UBA7: variants seen among roughly 807,000 people sequenced by gnomAD.
The protein encoded by UBA7 is ubiquitin-like modifier-activating enzyme 7.
Under a neutral mutation model 113.0 loss-of-function variants are expected in UBA7, and 88 were observed. The ratio of observed to expected loss-of-function variants is 0.78; its 90% CI spans 0.66 to 0.93. The LOEUF (loss-of-function observed/expected upper bound fraction) is 0.93. Ranked by LOEUF, UBA7 falls within the 40% of genes least tolerant of loss-of-function variation. The pLI is 0.00. For synonymous variants in UBA7, 459 were observed against 513.0 expected (o/e 0.89, Z 1.42); for missense variants, 1,092 against 1,266.4 (o/e 0.86, Z 2.09).
intron 23 of UBA7, 105 bp downstream of exon 23, chr3:49,805,792 G>T (rs2081438077): frequency 8.9e-7 from 1 of 1,121,136 alleles, no homozygotes; most frequent in Non-Finnish European, 1.3e-6. Context: ...GCTTGGGAAG[G>T]TGTGAGGGGC....
Position 49,808,881 on chromosome 3 carries a change from C to T in UBA7, c.2347+95G>A. 2.0e-6 allele frequency: 3 copies of T among 1,470,764 alleles called. No homozygotes were observed. In the South Asian group the frequency reaches 4.2e-5, roughly 20 times the overall value. The allele number at this position is 1,470,764 out of a possible 1,614,324, so 91.1% of individuals were successfully genotyped here. On this transcript the variant is annotated intron_variant, in intron 18 of 23. Transcript: ENST00000333486. ...GAGGTAGCAAATTGGCTGTAGATCC[C>T]CTAGGCCCTATCTTCCTTCTGCAGC...
intron 23 of UBA7, 92 bp from the exon 24 acceptor site, chr3:49,805,529 G>A (rs1206764789): frequency 1.7e-5 from 21 of 1,226,464 alleles, no homozygotes; most frequent in Non-Finnish European, 2.1e-5. Flanking sequence ...CTGGCAGGCC[G>A]TCAGGAGCCC....
chr3:49,805,980 C>A lies in UBA7; in HGVS notation c.2826G>T (p.Arg942Ser). 1 of 1,566,934 alleles carries A rather than the reference C, an allele frequency of 6.4e-7. No individual in the cohort carries two copies. The highest frequency in any genetic ancestry group is 1.2e-5 in the South Asian group (1 of 85,190). ...LAHLQEQHGLRVRILLHGSAL... is the reference protein window; with the variant it reads ...LAHLQEQHGLSVRILLHGSAL... ...CTGAGCCGTGCAGCAGGATCCTCAC[C>A]CTCAACCCGTGCTGCTCCTAGAGGA... The change falls in exon 23 of 24, where the codon AGG becomes AGT. Residue 942 changes from arginine to serine, a missense_variant. Arg to Ser is a moderately radical substitution (Grantham distance 110). This residue lies in a region of UBA7 where 500 missense variants were observed against 529.3 expected (regional missense o/e 0.94). Coordinates refer to ENST00000333486, the MANE Select transcript of UBA7 (RefSeq NM_003335.3).
Position 49,813,942 on chromosome 3 carries a change from C to A in UBA7, c.-155G>T. On this transcript the variant is annotated 5_prime_UTR_variant, in exon 1 of 24. Coordinates refer to ENST00000333486, the MANE Select transcript of UBA7 (RefSeq NM_003335.3). Reference sequence around the variant, plus strand: ...GGACGCTGCTGGTCACAGCTCTCTTCCTGGAGAAAAGAAAAGTGAAAGTTA... The same window carrying A: ...GGACGCTGCTGGTCACAGCTCTCTTACTGGAGAAAAGAAAAGTGAAAGTTA... The A allele has an allele frequency of 3.9e-6, 3 of 776,644 alleles. No homozygotes were observed. The highest frequency in any genetic ancestry group is 6.2e-6 in the Non-Finnish European group (3 of 482,196). The allele number at this position is 776,644 out of a possible 1,614,324, so 48.1% of individuals were successfully genotyped here.
Position 49,809,384 on chromosome 3 carries a change from A to C in UBA7, c.2163+6T>G, listed in dbSNP as rs1434238960. 1.2e-6 allele frequency: 2 copies of C among 1,613,676 alleles called. No individual in the cohort carries two copies. The highest frequency in any genetic ancestry group is 1.3e-5 in the African/African-American group (1 of 75,002). On this transcript the variant is annotated splice_donor_region_variant and intron_variant, in intron 17 of 23. Coordinates refer to ENST00000333486, the MANE Select transcript of UBA7 (RefSeq NM_003335.3). ...ATCTTGGAGCTCCCTACAGAATCCC[A>C]CTCACTTGGTTGGTGTCAAACTCCA...
chr3:49,810,962 C>G lies in UBA7; in HGVS notation c.1230+22G>C. ...TAGTCCTGATTTTGGACAAGGCTTGCACCCCTATCCCAGGCTCTCACCAGG... is the reference window on the plus strand; with the variant it reads ...TAGTCCTGATTTTGGACAAGGCTTGGACCCCTATCCCAGGCTCTCACCAGG... On this transcript the variant is annotated intron_variant, in intron 10 of 23. Transcript: ENST00000333486. This position sits in a 1 kb window ranked among gnomAD's most constrained non-coding sequence, Gnocchi z 5.6. 1 of 1,613,044 alleles carries G rather than the reference C, an allele frequency of 6.2e-7. No individual in the cohort carries two copies. The highest frequency in any genetic ancestry group is 1.3e-5 in the African/African-American group (1 of 75,028).
chr3:49,813,127 C>T lies in UBA7; in HGVS notation c.402G>A (p.Lys134=). The T allele has an allele frequency of 6.2e-7, 1 of 1,614,182 alleles. No homozygotes were observed. Among genetic ancestry groups the T allele is most frequent in the Non-Finnish European group, 8.5e-7 (1 of 1,180,016 alleles). ...CATGCTTATGACACAAGGTGCCCAC[C>T]TTCAGCTGCTCCTCCAGCTTTGCAG... ...LTAAKLEEQL[K]VGTLCHKHGV... is the part of the protein sequence containing the mutation. The change falls in exon 4 of 24, where the codon AAG becomes AAA. Residue 134 remains lysine (K), a synonymous_variant. Coordinates refer to ENST00000333486, the MANE Select transcript of UBA7 (RefSeq NM_003335.3).
At position 49,807,235 on chromosome 3, in the gene UBA7, C is replaced by T. The variant is rs1027868217; in HGVS notation, c.2715+501G>A. 9.9e-5 allele frequency among the ~76,000 whole-genome samples: 15 copies of T among 152,216 alleles called. No homozygotes were observed. Among genetic ancestry groups the T allele is most frequent in the Admixed American group, 9.2e-4 (14 of 15,286 alleles). ...ACTTGCTCCTTCCATACCCACACTC[C>T]GGGGATGCCCAGACCCCAGTTGCAC... On this transcript the variant is annotated intron_variant, in intron 21 of 23. Coordinates refer to ENST00000333486, the MANE Select transcript of UBA7 (RefSeq NM_003335.3). This position sits in a 1 kb window ranked among gnomAD's most constrained non-coding sequence, Gnocchi z 4.0.
rs745903617 is a variant in UBA7, at chr3:49,806,204, TC to T, written c.2716-40del. Reference sequence around the variant, plus strand: ...GAGGAGGAGTCAGAGACTTCTTACCTCCCCCCAACCCCCATCCCAGTTACCA... The same window carrying T: ...GAGGAGGAGTCAGAGACTTCTTACCTCCCCCAACCCCCATCCCAGTTACCA... On this transcript the variant is annotated intron_variant, in intron 21 of 23. Coordinates refer to ENST00000333486, the MANE Select transcript of UBA7 (RefSeq NM_003335.3). The T allele has an allele frequency of 1.4e-4, 199 of 1,445,280 alleles. 1 individual carries two copies. In the South Asian group the frequency reaches 1.4e-3, roughly 10 times the overall value. The allele number at this position is 1,445,280 out of a possible 1,614,324, so 89.5% of individuals were successfully genotyped here.
chr3:49,809,224 G>A, intron 17 of UBA7, 65 bp from the exon 18 acceptor site: 1 of 1,556,556 alleles, frequency 6.4e-7, no homozygotes, highest in Non-Finnish European at 8.7e-7. Flanking sequence ...CTGTCCATTT[G>A]TGGATCTGTT....
At chr3:49,812,805 G>A in intron 4 of UBA7, 67 bp from the exon 5 acceptor site, 6 of 1,557,608 alleles carry the variant, frequency 3.9e-6, no homozygotes, top group Non-Finnish European at 5.3e-6. Flanking sequence ...GGGATACTAG[G>A]GCAGGGCCAG....
Position 49,810,774 on chromosome 3 carries a change from A to C in UBA7, c.1289T>G (p.Leu430Arg), listed in dbSNP as rs564020587. ...CACCAGGAGGTAGTGCTGGCGTCTC[A>C]GTTTCTCCTGAAAACCAGCCCCAAA... ...AVFGAGFQEK[L>R]RRQHYLLVGA... The change falls in exon 11 of 24, where the codon CTG becomes CGG. Residue 430 changes from leucine (L) to arginine (R), a missense_variant. By Grantham distance (102) the Leu-to-Arg change is moderately radical. Transcript: ENST00000333486. The surrounding 1 kb of genome is among the most constrained non-coding windows in gnomAD (Gnocchi z 5.6). 1 of 1,614,114 alleles carries C rather than the reference A, an allele frequency of 6.2e-7. No individual in the cohort carries two copies. Among genetic ancestry groups the C allele is most frequent in the South Asian group, 1.1e-5 (1 of 91,088 alleles).
At position 49,810,016 on chromosome 3, in the gene UBA7, C is replaced by A; in HGVS notation, c.1801G>T (p.Val601Leu). ...TCGGCTGTGCTAGGGAAGTACCGCA[C>A]GGTACAGACAGGGTAGGGGGCATCC... ...SEDAPYPVCT[V>L]RYFPSTAEHT... The change falls in exon 14 of 24, where the codon GTG becomes TTG. Residue 601 changes from valine (V) to leucine (L), a missense_variant. By Grantham distance (32) the Val-to-Leu change is conservative. Coordinates refer to ENST00000333486, the MANE Select transcript of UBA7 (RefSeq NM_003335.3). This position sits in a 1 kb window ranked among gnomAD's most constrained non-coding sequence, Gnocchi z 5.6. The A allele has an allele frequency of 6.2e-7, 1 of 1,613,820 alleles. No individual in the cohort carries two copies.
chr3:49,805,928 G>A lies in UBA7; in HGVS notation c.2878C>T (p.Pro960Ser), dbSNP rs138809335. 11 of 1,559,020 alleles carry A rather than the reference G, an allele frequency of 7.1e-6. No individual in the cohort carries two copies. In the African/African-American group the frequency reaches 1.2e-4, roughly 17 times the overall value. The stretch of plus-strand genomic sequence containing the variant: ...GGCAGGTGCTGGGCCTGCTTTTCAG[G>A]TGACCATCCGGCCGCATAGAGCAGG... ...SALLYAAGWS[P>S]EKQAQHLPLR... Residue 960 changes from proline to serine, a missense_variant, in exon 23 of 24, where the codon CCT (proline) becomes TCT (serine). By Grantham distance (74) the Pro-to-Ser change is moderately conservative. This residue lies in a region of UBA7 where 500 missense variants were observed against 529.3 expected (regional missense o/e 0.94). Transcript: ENST00000333486.
chr3:49,811,573 G>A, intron 8 of UBA7, 118 bp from the exon 9 acceptor site: 1 of 1,419,896 alleles, frequency 7.0e-7, no homozygotes, highest in East Asian at 2.5e-5. Context: ...AAGCCTGGGT[G>A]GGAAGGCCTG....
rs907288379 is a variant in UBA7, at chr3:49,813,795, C to A, written c.-8G>T. 3.1e-6 allele frequency: 5 copies of A among 1,614,044 alleles called. No homozygotes were observed. Among genetic ancestry groups the A allele is most frequent in the Non-Finnish European group, 4.2e-6 (5 of 1,180,004 alleles). ...AGCGTCCAGGGCATCCATCCTCAAA[C>A]CTGGGGCTGAACAGTAGGCTGCAGC... On this transcript the variant is annotated 5_prime_UTR_variant, in exon 1 of 24. Transcript: ENST00000333486.
At position 49,810,248 on chromosome 3, in the gene UBA7, A is replaced by G. The variant is rs762741034; in HGVS notation, c.1633+15T>C. On this transcript the variant is annotated intron_variant, in intron 13 of 23. Transcript: ENST00000333486. This position sits in a 1 kb window ranked among gnomAD's most constrained non-coding sequence, Gnocchi z 5.6. Reference sequence around the variant, plus strand: ...GCTGTGGGCAAGGGACTGACCTCCGAAGTCAAGCACTCACGGGCCTGGAAA... The same window carrying G: ...GCTGTGGGCAAGGGACTGACCTCCGGAGTCAAGCACTCACGGGCCTGGAAA... The G allele has an allele frequency of 6.2e-7, 1 of 1,613,664 alleles. No homozygotes were observed.
rs1436700604 is a variant in UBA7 at position 49,807,673 on chromosome 3, T to C, written c.2715+63A>G. Reference sequence around the variant, plus strand: ...GAGCCGGCAGCTAGATTGGGGCCTGTATGGGCAGGTGCAGGGGAAACCCAG... The same window carrying C: ...GAGCCGGCAGCTAGATTGGGGCCTGCATGGGCAGGTGCAGGGGAAACCCAG... On this transcript the variant is annotated intron_variant, in intron 21 of 23. Coordinates refer to ENST00000333486, the MANE Select transcript of UBA7 (RefSeq NM_003335.3). The surrounding 1 kb of genome is among the most constrained non-coding windows in gnomAD (Gnocchi z 4.0). 6.5e-7 allele frequency: 1 copy of C among 1,528,070 alleles called. No individual in the cohort carries two copies. Among genetic ancestry groups the C allele is most frequent in the African/African-American group, 1.4e-5 (1 of 72,498 alleles). The allele number at this position is 1,528,070 out of a possible 1,614,324, so 94.7% of individuals were successfully genotyped here. A position where few individuals can be genotyped will look rare whatever the true frequency, so the allele number is the denominator to read the frequency against.
chr3:49,809,828 TGATGGTCTCTGCA>T lies in UBA7; in HGVS notation c.1878_1890del (p.Ala627ThrfsTer22). On this transcript the variant is annotated frameshift_variant, in exon 15 of 24. Transcript: ENST00000333486. LOFTEE classifies it high-confidence loss of function. ...TGGTGGCCTTACTGTTGGTGGTGGT[TGATGGTCTCTGCA>T]GACAGTCGGAAGAGTTCTTCAAACT... 1 of 1,614,154 alleles carries T rather than the reference TGATGGTCTCTGCA, an allele frequency of 6.2e-7. No homozygotes were observed. Among genetic ancestry groups the T allele is most frequent in the Non-Finnish European group, 8.5e-7 (1 of 1,180,010 alleles).
Sources: allele counts gnomAD v4.1 joint callset (sites outside exome capture counted in the v4.1 genomes callset), GRCh38; gene constraint gnomAD v4.1.1; regional missense constraint gnomAD v4.1.1; non-coding constraint Gnocchi (gnomAD v3.1); transcripts MANE v1.5; gene names NCBI Gene and HGNC (gene_info 2026-07-23, HGNC 2026-07-21).